Variants in CXXC1 observed in about 807,000 individuals in gnomAD.
CXXC1 encodes CXXC finger protein 1, also known as CXXC-type zinc finger protein 1.
A neutral mutation model predicts 83.6 loss-of-function variants in CXXC1; 21 were observed. The ratio of observed to expected loss-of-function variants is 0.25; its 90% confidence interval spans 0.18 to 0.36. The LOEUF is 0.36. CXXC1 is among the 10% of genes least tolerant of loss of function. The probability of loss-of-function intolerance (pLI) is 1.00; values close to 1 mark genes in which losing one functional copy is unlikely to be tolerated. For missense variants in CXXC1, 688 were observed against 919.5 expected, an observed-to-expected ratio of 0.75 and a Z score of 3.26; for synonymous variants, 371 against 337.5, an observed-to-expected ratio of 1.10 and a Z score of -1.09.
In CXXC1 at chr18:50,286,192, G is replaced by A. The variant is rs755715884; in HGVS notation, c.289C>T (p.Arg97Trp). The A allele has an allele frequency of 6.2e-6, 10 of 1,613,568 alleles. No homozygotes were observed. Among genetic ancestry groups the A allele is most frequent in the East Asian group, 2.2e-5 (1 of 44,870 alleles). ...KKSRERDGNE[R>W]DSSEPRDEGG... ...TCATCCCGGGGCTCACTGCTGTCCC[G>A]CTCATTGCCATCCCGCTCCCGTGAC... The change falls in exon 4 of 15, where the codon CGG becomes TGG. Residue 97 changes from arginine (R) to tryptophan (W), a missense_variant. By Grantham distance (101) the Arg-to-Trp change is moderately radical. This residue lies in a region of CXXC1 where 142 missense variants were observed against 150.7 expected (regional missense o/e 0.94). Coordinates refer to ENST00000285106, the MANE Select transcript of CXXC1 (RefSeq NM_014593.4).
At position 50,283,687 on chromosome 18, in the gene CXXC1, T is replaced by C; in HGVS notation, c.1524+18A>G. On this transcript the variant is annotated intron_variant, in intron 11 of 14. Transcript: ENST00000285106. ...TGATGTTCCCACATGGTCCGCCCCC[T>C]CAGTCTGACACCCCAACCTTGGCGT... 5 of 1,612,818 alleles carry C rather than the reference T, an allele frequency of 3.1e-6. No homozygotes were observed. Among genetic ancestry groups the C allele is most frequent in the Non-Finnish European group, 3.4e-6 (4 of 1,179,030 alleles).
In CXXC1 at chr18:50,285,692, T is replaced by C. The variant is rs555043593; in HGVS notation, c.639+57A>G. 153 of 1,581,816 alleles carry C rather than the reference T, an allele frequency of 9.7e-5. No individual in the cohort carries two copies. Among genetic ancestry groups the C allele is most frequent in the Middle Eastern group, 1.9e-4 (1 of 5,302 alleles). ...ATCCATGCCTAGACTTAACTAACCA[T>C]GCATGGACCCACCAGCTCTCCCACA... On this transcript the variant is annotated intron_variant, in intron 5 of 14. Transcript: ENST00000285106. This position sits in a 1 kb window ranked among gnomAD's most constrained non-coding sequence, Gnocchi z 4.4.
rs1398826203 is a variant in CXXC1, at chr18:50,282,818, T to C, written c.1824+36A>G. 1 of 1,612,386 alleles carries C rather than the reference T, an allele frequency of 6.2e-7. No homozygotes were observed. Among genetic ancestry groups the C allele is most frequent in the Non-Finnish European group, 8.5e-7 (1 of 1,178,560 alleles). On this transcript the variant is annotated intron_variant, in intron 14 of 14. Transcript: ENST00000285106. This position sits in a 1 kb window ranked among gnomAD's most constrained non-coding sequence, Gnocchi z 5.8. ...CCCGGCCACGTCCGACATGGAAACCTACCACATGCAGCACCAAAACCGCAC... is the reference window on the plus strand; with the variant it reads ...CCCGGCCACGTCCGACATGGAAACCCACCACATGCAGCACCAAAACCGCAC...
chr18:50,283,070 A>C (rs996681219), intron 13 of CXXC1, 64 bp from the exon 14 acceptor site: 104 of 1,549,540 alleles, frequency 6.7e-5, no homozygotes, highest in Non-Finnish European at 7.9e-5. Context: ...ATGGGGGCTC[A>C]AGGAGGGAGA....
At position 50,285,269 on chromosome 18, in the gene CXXC1, C is replaced by T; in HGVS notation, c.667-22G>A. 6.2e-7 allele frequency: 1 copy of T among 1,613,546 alleles called. No homozygotes were observed. The highest frequency in any genetic ancestry group is 8.5e-7 in the Non-Finnish European group (1 of 1,179,580). Reference sequence around the variant, plus strand: ...AGAGCTGCAGGGCAGAATCTCAGGACTGGCCCTGACCGCCCTGCCCGCATG... The same window carrying T: ...AGAGCTGCAGGGCAGAATCTCAGGATTGGCCCTGACCGCCCTGCCCGCATG... On this transcript the variant is annotated intron_variant, in intron 6 of 14. Transcript: ENST00000285106. This position sits in a 1 kb window ranked among gnomAD's most constrained non-coding sequence, Gnocchi z 4.4.
rs1235662879 is a variant in CXXC1 at position 50,284,677 on chromosome 18, C to T, written c.1020+55G>A. On this transcript the variant is annotated intron_variant, in intron 8 of 14. Coordinates refer to ENST00000285106, the MANE Select transcript of CXXC1 (RefSeq NM_014593.4). ...GCCCCATTCAGCCTCTGACCTCTGC[C>T]TCTCCCTCAACCCCACCCTCTGCCT... 5 of 1,609,714 alleles carry T rather than the reference C, an allele frequency of 3.1e-6. No individual in the cohort carries two copies. The East Asian group carries it at 8.9e-5, about 29-fold the overall frequency.
rs1599673115 is a variant in CXXC1 at position 50,285,111 on chromosome 18, T to G, written c.803A>C (p.Glu268Ala). The stretch of plus-strand genomic sequence containing the variant: ...AGGTGTGGCTGTAGCCTCAGGAGGC[T>G]CCTTGACTGTTGATGACGCCACTGC... ...EGAVASSTVK[E>A]PPEATATPEP... is the part of the protein sequence containing the mutation. The change falls in exon 7 of 15, where the codon GAG (glutamate) becomes GCG (alanine). Residue 268 changes from glutamate to alanine, a missense_variant. This residue lies in a region of CXXC1 where 190 missense variants were observed against 199.7 expected (regional missense o/e 0.95). Coordinates refer to ENST00000285106, the MANE Select transcript of CXXC1 (RefSeq NM_014593.4). The surrounding 1 kb of genome is among the most constrained non-coding windows in gnomAD (Gnocchi z 4.4). The G allele has an allele frequency of 1.1e-5, 17 of 1,614,206 alleles. No homozygotes were observed. The highest frequency in any genetic ancestry group is 1.4e-5 in the Non-Finnish European group (16 of 1,180,030).
chr18:50,284,168 G>A (rs749818531), intron 9 of CXXC1, 67 bp from the exon 10 acceptor site: 37 of 1,527,248 alleles, frequency 2.4e-5, no homozygotes, highest in South Asian at 4.5e-5. Context: ...CAAAATAGAC[G>A]CAAATGGCAA....
chr18:50,283,015 A>C lies in CXXC1; in HGVS notation c.1672-9T>G. The C allele has an allele frequency of 6.2e-7, 1 of 1,613,726 alleles. No homozygotes were observed. Among genetic ancestry groups the C allele is most frequent in the Non-Finnish European group, 8.5e-7 (1 of 1,179,970 alleles). ...ACCTCGTCAGCTGGCACCTGCAAGG[A>C]GGCCAGGTTGGGGGGATGAATAGCG... On this transcript the variant is annotated splice_polypyrimidine_tract_variant and intron_variant, in intron 13 of 14. Transcript: ENST00000285106.
Position 50,282,546 on chromosome 18 carries a change from G to T in CXXC1, c.*47C>A. ...GGAACGGACACACGGGCACCGGGCG[G>T]CTCCCCCATCTGGAATGCAGGGTGT... On this transcript the variant is annotated 3_prime_UTR_variant, in exon 15 of 15. Transcript: ENST00000285106. This position sits in a 1 kb window ranked among gnomAD's most constrained non-coding sequence, Gnocchi z 5.8. The T allele has an allele frequency of 6.3e-7, 1 of 1,594,816 alleles. No homozygotes were observed. Among genetic ancestry groups the T allele is most frequent in the Non-Finnish European group, 8.5e-7 (1 of 1,176,052 alleles).
rs1198718663 is a variant in CXXC1, at chr18:50,282,389, G to A, written c.*204C>T. ...TTATTAACAAAACCCAGGGAGAGGA[G>A]GCAAGGATGAGTGGACTCCGCAGCC... is the stretch of plus-strand genomic sequence containing the variant. On this transcript the variant is annotated 3_prime_UTR_variant, in exon 15 of 15. Coordinates refer to ENST00000285106, the MANE Select transcript of CXXC1 (RefSeq NM_014593.4). This position sits in a 1 kb window ranked among gnomAD's most constrained non-coding sequence, Gnocchi z 5.8. The A allele has an allele frequency of 4.7e-6, 3 of 643,224 alleles. No homozygotes were observed. The highest frequency in any genetic ancestry group is 2.6e-5 in the East Asian group (1 of 38,394). 39.8% of individuals were successfully genotyped at this position (643,224 alleles called of 1,614,324 possible).
At chr18:50,287,163 A>T (rs1042156752) in intron 1 of CXXC1, 7 of 516,824 alleles carry the variant, frequency 1.4e-5, no homozygotes, top group Non-Finnish European at 2.5e-5. Context: ...CTCACTGCGG[A>T]CTTCCCATCG....
chr18:50,283,224 G>A (rs1479415504), intron 13 of CXXC1, 41 bp downstream of exon 13: 3 of 1,533,776 alleles, frequency 2.0e-6, no homozygotes, highest in South Asian at 1.1e-5. Flanking sequence ...AGCGAGGCAG[G>A]GAGGAGGGGC....
At chr18:50,286,323 T>C in intron 3 of CXXC1, 66 bp from the exon 4 acceptor site, 1 of 1,423,154 alleles carries the variant, frequency 7.0e-7, no homozygotes, top group Non-Finnish European at 9.6e-7. Flanking sequence ...CCAAAACCTC[T>C]TTCTTCCTCT....
rs2040698389 is a variant in CXXC1 at position 50,285,422 on chromosome 18, A to G, written c.640-71T>C. ...GGGCGGCCTTGCCCTAGCCCTACCC[A>G]CCTGGCCTGGCCTTACCTCCCCAGA... On this transcript the variant is annotated intron_variant, in intron 5 of 14. Transcript: ENST00000285106. The surrounding 1 kb of genome is among the most constrained non-coding windows in gnomAD (Gnocchi z 4.4). 1.3e-6 allele frequency: 2 copies of G among 1,516,210 alleles called. No homozygotes were observed. The highest frequency in any genetic ancestry group is 2.8e-5 in the African/African-American group (2 of 71,830). The allele number at this position is 1,516,210 out of a possible 1,614,324, so 93.9% of individuals were successfully genotyped here. A position where few individuals can be genotyped will look rare whatever the true frequency, so the allele number is the denominator to read the frequency against.
In CXXC1 at chr18:50,286,122, C is replaced by A; in HGVS notation, c.359G>T (p.Arg120Leu). Residue 120 changes from arginine (R) to leucine (L), a missense_variant, in exon 4 of 15, where the codon CGC becomes CTC. Arg to Leu is a moderately radical substitution (Grantham distance 102). Transcript: ENST00000285106. Reference protein sequence around the residue: ...KRPVPDPDLQRRAGSGTGVGA... With the variant: ...KRPVPDPDLQLRAGSGTGVGA... ...AACCCCTGTCCCTGACCCTGCCCGGCGCTGCAGGTCTGGATCAGGGACAGG... is the reference window on the plus strand; with the variant it reads ...AACCCCTGTCCCTGACCCTGCCCGGAGCTGCAGGTCTGGATCAGGGACAGG... 1 of 1,613,956 alleles carries A rather than the reference C, an allele frequency of 6.2e-7. No individual in the cohort carries two copies. Among genetic ancestry groups the A allele is most frequent in the Non-Finnish European group, 8.5e-7 (1 of 1,179,986 alleles).
Position 50,283,832 on chromosome 18 carries a change from GAAC to G in CXXC1, c.1414-20_1414-18del. 1 of 1,613,948 alleles carries G rather than the reference GAAC, an allele frequency of 6.2e-7. No homozygotes were observed. The highest frequency in any genetic ancestry group is 8.5e-7 in the Non-Finnish European group (1 of 1,179,794). The stretch of plus-strand genomic sequence containing the variant: ...CTCGTTGCTCTGCATGGAATGGAAG[GAAC>G]AATAAGGCTGGGAAGGACAAAGTAC... On this transcript the variant is annotated intron_variant, in intron 10 of 14. Coordinates refer to ENST00000285106, the MANE Select transcript of CXXC1 (RefSeq NM_014593.4).
In CXXC1 at chr18:50,283,335, T is replaced by C; in HGVS notation, c.1601A>G (p.Tyr534Cys). Residue 534 changes from tyrosine to cysteine, a missense_variant, in exon 13 of 15, where the codon TAT (tyrosine) becomes TGT (cysteine). By Grantham distance (194) the Tyr-to-Cys change is radical. This residue lies in a region of CXXC1 where 114 missense variants were observed against 173.3 expected (regional missense o/e 0.66). Coordinates refer to ENST00000285106, the MANE Select transcript of CXXC1 (RefSeq NM_014593.4). The stretch of plus-strand genomic sequence containing the variant: ...ACAGTATGTTTTGCTCTGAGGATTA[T>C]ACACATCACAGAAGAGTCGTGTGGC... ...EGATRLFCDV[Y>C]NPQSKTYCKR... The C allele has an allele frequency of 6.2e-7, 1 of 1,613,990 alleles. No homozygotes were observed. The highest frequency in any genetic ancestry group is 8.5e-7 in the Non-Finnish European group (1 of 1,179,972).
intron 1 of CXXC1, 22 bp from the exon 2 acceptor site, chr18:50,286,880 G>A: frequency 6.5e-7 from 1 of 1,546,770 alleles, no homozygotes; most frequent in Non-Finnish European, 8.9e-7. Context: ...CCCCATTACG[G>A]ATCCTTAAGC....
Sources: allele counts gnomAD v4.1 joint callset, GRCh38; gene constraint gnomAD v4.1.1; regional missense constraint gnomAD v4.1.1; non-coding constraint Gnocchi (gnomAD v3.1); transcripts MANE v1.5; gene names NCBI Gene and HGNC (gene_info 2026-07-23, HGNC 2026-07-21).